The following MRM1 variants were observed in gnomAD, a reference collection of about 807,000 sequenced individuals.
The protein encoded by MRM1 is mitochondrial rRNA methyltransferase 1.
MRM1 carries 24 observed loss-of-function variants against 25.0 expected under a neutral mutation model. The ratio of observed to expected loss-of-function variants is 0.96; its 90% CI spans 0.69 to 1.35. The LOEUF is 1.35. Ranked by LOEUF, MRM1 falls within the 40% of genes most tolerant of loss-of-function variation. The pLI is 0.00. For synonymous variants in MRM1, 188 were observed against 199.2 expected (o/e 0.94, Z 0.47); for missense variants, 431 against 464.1 (o/e 0.93, Z 0.65).
At chr17:36,608,221 C>T (rs774308118) in intron 4 of MRM1, 22 bp from the exon 5 acceptor site, 2 of 1,546,634 alleles carry the variant, frequency 1.3e-6, no homozygotes, top group Non-Finnish European at 1.7e-6. Context: ...TCCTCTCTTC[C>T]CTTGTCCTTG....
the MRM1 span, among the ~76,000 whole-genome samples, chr17:36,614,552 A>G: frequency 6.6e-6 from 1 of 151,958 alleles, no homozygotes. Flanking sequence ...TTAATCCCCC[A>G]TCTCCTGGGC....
At chr17:36,612,185 T>C (rs1442396327), downstream of MRM1, among the ~76,000 whole-genome samples, 1 of 152,084 alleles carries the variant, frequency 6.6e-6, no homozygotes, top group Non-Finnish European at 1.5e-5. Context: ...TTCATCAGCT[T>C]TCCCTGTCCC....
In MRM1 at chr17:36,607,995, C is replaced by T; in HGVS notation, c.866C>T (p.Ser289Phe). 6.2e-7 allele frequency: 1 copy of T among 1,614,168 alleles called. No individual in the cohort carries two copies. Among genetic ancestry groups the T allele is most frequent in the Non-Finnish European group, 8.5e-7 (1 of 1,180,036 alleles). Residue 289 changes from serine to phenylalanine, a missense_variant, in exon 4 of 5, where the codon TCC becomes TTC. Physicochemically the swap from Ser to Phe is radical, Grantham distance 155. Coordinates refer to ENST00000614766, the MANE Select transcript of MRM1 (RefSeq NM_024864.5). The stretch of plus-strand genomic sequence containing the variant: ...CGCCAGCTGCCTCCTGGACTTGAGT[C>T]CTTGAACGTCTCTGTGGCTGCAGGT... ...PRRQLPPGLESLNVSVAAGIL... is the reference protein window; with the variant it reads ...PRRQLPPGLEFLNVSVAAGIL...
the MRM1 span, among the ~76,000 whole-genome samples, chr17:36,617,077 G>A: frequency 6.6e-6 from 1 of 152,176 alleles, no homozygotes; most frequent in African/African-American, 2.4e-5. Flanking sequence ...GAGGTGCTGG[G>A]AGGCACCTCC....
At chr17:36,619,917 T>C in the MRM1 span, among the ~76,000 whole-genome samples, 2 of 152,144 alleles carry the variant, frequency 1.3e-5, no homozygotes, top group African/African-American at 4.8e-5. Flanking sequence ...CATCTCCTTG[T>C]GGTTTTGATT....
the MRM1 span, among the ~76,000 whole-genome samples, chr17:36,633,684 G>A: frequency 8.5e-5 from 13 of 152,240 alleles, no homozygotes; most frequent in South Asian, 8.3e-4. Flanking sequence ...GGGAGGAGGC[G>A]TAGGCAGCCA....
chr17:36,629,542 G>A, the MRM1 span, among the ~76,000 whole-genome samples: 3 of 152,202 alleles, frequency 2.0e-5, no homozygotes, highest in African/African-American at 7.2e-5. Flanking sequence ...GGGGAGGCTG[G>A]TCTCACTGGA....
chr17:36,610,836 C>T (rs1380785588), downstream of MRM1, among the ~76,000 whole-genome samples: 1 of 152,034 alleles, frequency 6.6e-6, no homozygotes, highest in African/African-American at 2.4e-5. Context: ...TTTTTTGAGA[C>T]GGAGTCTTGC....
chr17:36,621,577 C>G, the MRM1 span, among the ~76,000 whole-genome samples: 1 of 152,220 alleles, frequency 6.6e-6, no homozygotes, highest in South Asian at 2.1e-4. Context: ...CCCACAACCA[C>G]CAGCCCAGCC....
Position 36,602,867 on chromosome 17 carries a change from C to G in MRM1, c.636+221C>G. ...CGTTATACCCTTTCCTGCACCCCTTCCCCAGGTATGCACCACTTTGCCTCT... is the reference window on the plus strand; with the variant it reads ...CGTTATACCCTTTCCTGCACCCCTTGCCCAGGTATGCACCACTTTGCCTCT... On this transcript the variant is annotated intron_variant, in intron 2 of 4. Coordinates refer to ENST00000614766, the MANE Select transcript of MRM1 (RefSeq NM_024864.5). The surrounding 1 kb of genome is among the most constrained non-coding windows in gnomAD (Gnocchi z 4.1). 1.1e-6 allele frequency: 1 copy of G among 888,718 alleles called. No homozygotes were observed. The highest frequency in any genetic ancestry group is 1.3e-6 in the Non-Finnish European group (1 of 741,694). 55.1% of individuals were successfully genotyped at this position (888,718 alleles called of 1,614,324 possible).
Position 36,607,694 on chromosome 17 carries a change from G to T in MRM1, c.661G>T (p.Val221Leu), listed in dbSNP as rs764657248. The part of the protein sequence containing the change: ...LQTKAQQGWL[V>L]AGTVGCPSTE... ...GACCAAAGCCCAGCAGGGCTGGCTCGTGGCCGGCACGGTGGGCTGCCCAAG... is the reference window on the plus strand; with the variant it reads ...GACCAAAGCCCAGCAGGGCTGGCTCTTGGCCGGCACGGTGGGCTGCCCAAG... Residue 221 changes from valine to leucine, a missense_variant, in exon 3 of 5, where the codon GTG becomes TTG. Physicochemically the swap from Val to Leu is conservative, Grantham distance 32. Transcript: ENST00000614766. 4.3e-6 allele frequency: 7 copies of T among 1,614,040 alleles called. No individual in the cohort carries two copies. In the Admixed American group the frequency reaches 8.3e-5, roughly 19 times the overall value.
the MRM1 span, among the ~76,000 whole-genome samples, chr17:36,627,674 GTTTTTTT>G: frequency 2.4e-5 from 2 of 83,728 alleles, no homozygotes; most frequent in Non-Finnish European, 4.5e-5. Context: ...TTTGGACACT[GTTTTTTT>G]TTTTTTTTTT....
At chr17:36,618,081 G>A in the MRM1 span, among the ~76,000 whole-genome samples, 4 of 152,292 alleles carry the variant, frequency 2.6e-5, no homozygotes, top group East Asian at 7.8e-4. Context: ...TGGGGCTTTA[G>A]GGGGAAGTGG....
chr17:36,621,686 C>T, the MRM1 span, among the ~76,000 whole-genome samples: 1 of 152,200 alleles, frequency 6.6e-6, no homozygotes, highest in Non-Finnish European at 1.5e-5. Flanking sequence ...CTGCCTGCTC[C>T]CACCTCAGCC....
rs770388563 is a variant in MRM1 at position 36,602,076 on chromosome 17, T to C, written c.266T>C (p.Leu89Pro). Residue 89 changes from leucine (L) to proline (P), a missense_variant, in exon 1 of 5, where the codon CTC (leucine) becomes CCC (proline). Coordinates refer to ENST00000614766, the MANE Select transcript of MRM1 (RefSeq NM_024864.5). The surrounding 1 kb of genome is among the most constrained non-coding windows in gnomAD (Gnocchi z 4.1). ...AGLQGKRAEL[L>P]RMAEARDIPV... ...CTGCAGGGGAAGCGGGCCGAGCTGCTCCGGATGGCCGAGGCGCGGGACATT... is the reference window on the plus strand; with the variant it reads ...CTGCAGGGGAAGCGGGCCGAGCTGCCCCGGATGGCCGAGGCGCGGGACATT... The C allele has an allele frequency of 6.2e-7, 1 of 1,610,466 alleles. No homozygotes were observed. The highest frequency in any genetic ancestry group is 1.7e-5 in the Admixed American group (1 of 60,012).
chr17:36,612,595 G>A (rs979458206), downstream of MRM1, among the ~76,000 whole-genome samples: 9 of 152,176 alleles, frequency 5.9e-5, no homozygotes, highest in Admixed American at 2.0e-4. Context: ...GGGCAAAGTT[G>A]GAATGAAGTC....
rs539088218 is a variant in MRM1 at position 36,608,545 on chromosome 17, G to C, written c.*130G>C. 1.3e-4 allele frequency: 67 copies of C among 518,292 alleles called. 7 individuals carry two copies. Among genetic ancestry groups the C allele is most frequent in the East Asian group, 1.5e-4 (4 of 25,974 alleles). 32.1% of individuals were successfully genotyped at this position (518,292 alleles called of 1,614,324 possible). The stretch of plus-strand genomic sequence containing the variant: ...ATGTTTATTGACCACAGTCTGGGGG[G>C]GGGGGAAGGGGACTGCGGTGGACAC... On this transcript the variant is annotated 3_prime_UTR_variant, in exon 5 of 5. Coordinates refer to ENST00000614766, the MANE Select transcript of MRM1 (RefSeq NM_024864.5).
At chr17:36,622,427 C>T in the MRM1 span, among the ~76,000 whole-genome samples, 2 of 152,032 alleles carry the variant, frequency 1.3e-5, no homozygotes, top group African/African-American at 2.4e-5. Context: ...CAAAAATTAG[C>T]TGGGCATGGT....
chr17:36,617,984 G>T, the MRM1 span, among the ~76,000 whole-genome samples: 1 of 152,220 alleles, frequency 6.6e-6, no homozygotes, highest in Admixed American at 6.5e-5. Context: ...TATCGATTGG[G>T]GTGGGTGTTC....
Sources: gnomAD v4.1 joint callset for allele counts (sites outside exome capture counted in the v4.1 genomes callset) on GRCh38, gnomAD v4.1.1 for gene constraint, Gnocchi (gnomAD v3.1) non-coding constraint, MANE v1.5 for transcripts, NCBI Gene and HGNC (gene_info 2026-07-23, HGNC 2026-07-21) for gene names.